Variants in DLGAP1 observed in about 807,000 individuals in gnomAD.
DLGAP1 encodes disks large-associated protein 1.
In DLGAP1, 11 loss-of-function variants were observed where a neutral mutation model predicts 90.8. The observed-to-expected ratio is 0.12, with a 90% CI of 0.08 to 0.20. DLGAP1 has a LOEUF of 0.20. Ranked by LOEUF, DLGAP1 falls within the 10% of genes least tolerant of loss-of-function variation. The pLI is 1.00. For synonymous variants in DLGAP1, 558 were observed against 540.7 expected (o/e 1.03, Z -0.44); for missense variants, 1,050 against 1,333.8 (o/e 0.79, Z 3.31).
intron 5 of DLGAP1, among the ~76,000 whole-genome samples, chr18:3,765,365 C>A (rs1358067332): frequency 3.3e-5 from 5 of 150,742 alleles, no homozygotes; most frequent in Non-Finnish European, 1.5e-5. Context: ...CTCCTGACCT[C>A]ATGATCTGCC....
At chr18:3,592,485 C>A (rs1204520552) in intron 7 of DLGAP1, among the ~76,000 whole-genome samples, 1 of 152,206 alleles carries the variant, frequency 6.6e-6, no homozygotes, top group Non-Finnish European at 1.5e-5. Flanking sequence ...GCCATTAGAT[C>A]TTCCTAATCA....
chr18:3,536,295 C>A (rs538557167), intron 9 of DLGAP1, among the ~76,000 whole-genome samples: 2 of 149,920 alleles, frequency 1.3e-5, no homozygotes, highest in South Asian at 4.3e-4. Flanking sequence ...ACAACCTCAA[C>A]TCACTGCAAC....
intron 1 of DLGAP1, among the ~76,000 whole-genome samples, chr18:4,362,082 A>G (rs887123516): frequency 4.6e-5 from 7 of 152,212 alleles, no homozygotes; most frequent in Non-Finnish European, 7.3e-5. Flanking sequence ...ACATAAAATA[A>G]CAAGTGTTGG....
intron 3 of DLGAP1, among the ~76,000 whole-genome samples, chr18:3,917,030 G>C (rs9962899): frequency 6.6e-6 from 1 of 152,026 alleles, no homozygotes; most frequent in East Asian, 1.9e-4. Context: ...ATACTCAGCA[G>C]ATTACATGAG....
At chr18:4,256,720 G>A (rs1391881578) in intron 1 of DLGAP1, among the ~76,000 whole-genome samples, 1 of 152,056 alleles carries the variant, frequency 6.6e-6, no homozygotes, top group Admixed American at 6.5e-5. Flanking sequence ...ACTCTCTCCT[G>A]AGAGAACTTT....
chr18:3,884,108 T>C (rs978347879), intron 3 of DLGAP1, among the ~76,000 whole-genome samples: 19 of 152,266 alleles, frequency 1.2e-4, no homozygotes, highest in African/African-American at 4.3e-4. Flanking sequence ...AACCTTGGGA[T>C]TGCTTTGTAT....
intron 1 of DLGAP1, among the ~76,000 whole-genome samples, chr18:4,198,295 T>C (rs772139260): frequency 3.9e-5 from 6 of 152,096 alleles, no homozygotes; most frequent in Non-Finnish European, 8.8e-5. Context: ...TTCTAAGAGA[T>C]GGTCATGGCC....
chr18:3,567,641 A>C (rs1189746409), intron 8 of DLGAP1, 60 bp from the exon 9 acceptor site: 4 of 1,437,346 alleles, frequency 2.8e-6, no homozygotes, highest in East Asian at 4.6e-5. Context: ...TTGAAAAACA[A>C]ACATCACATT....
chr18:3,953,111 G>T (rs1462409526), intron 3 of DLGAP1, among the ~76,000 whole-genome samples: 1 of 152,150 alleles, frequency 6.6e-6, no homozygotes, highest in Non-Finnish European at 1.5e-5. Flanking sequence ...TCAGATTTTT[G>T]AGTAACTTAT....
intron 7 of DLGAP1, among the ~76,000 whole-genome samples, chr18:3,611,228 T>C (rs1396591486): frequency 1.3e-5 from 2 of 152,062 alleles, no homozygotes; most frequent in East Asian, 3.9e-4. Context: ...AAATGTAAAC[T>C]TCCCTACAGC....
Position 3,508,652 on chromosome 18 carries a change from T to C in DLGAP1, c.2489A>G (p.Lys830Arg), listed in dbSNP as rs1272826124. ...ENNLPEDILG[K>R]IRTAVGSAQL... is the part of the protein sequence containing the mutation. ...GGCACTGCCCACTGCGGTTCGGATT[T>C]TTCCTAGAACTGGAAAGAGCAAACA... Residue 830 changes from lysine to arginine, a missense_variant, in exon 11 of 13, where the codon AAA becomes AGA. Physicochemically the swap from Lys to Arg is conservative, Grantham distance 26 (BLOSUM62 2). This residue lies in a region of DLGAP1 where 565 missense variants were observed against 879.7 expected (regional missense o/e 0.64). Transcript: ENST00000315677. The C allele has an allele frequency of 6.2e-7, 1 of 1,613,850 alleles. No individual in the cohort carries two copies. Among genetic ancestry groups the C allele is most frequent in the South Asian group, 1.1e-5 (1 of 91,036 alleles).
intron 1 of DLGAP1, among the ~76,000 whole-genome samples, chr18:4,246,049 T>C (rs966799143): frequency 6.6e-6 from 1 of 152,248 alleles, no homozygotes; most frequent in Non-Finnish European, 1.5e-5. Context: ...ACCTTCCCTA[T>C]ACGTCTTCAT....
intron 1 of DLGAP1, among the ~76,000 whole-genome samples, chr18:4,188,640 C>T (rs1301828021): frequency 7.2e-5 from 11 of 152,106 alleles, no homozygotes; most frequent in Non-Finnish European, 1.5e-4. Flanking sequence ...GCAAAGGACA[C>T]GAACTCATTC....
intron 1 of DLGAP1, among the ~76,000 whole-genome samples, chr18:4,262,816 A>G (rs1024534831): frequency 7.2e-5 from 11 of 152,344 alleles, no homozygotes; most frequent in African/African-American, 2.4e-4. Flanking sequence ...ATGTAATATT[A>G]CTTATGTCAT....
intron 7 of DLGAP1, among the ~76,000 whole-genome samples, chr18:3,584,664 C>T (rs997444481): frequency 1.3e-5 from 2 of 152,124 alleles, no homozygotes; most frequent in South Asian, 4.1e-4. Context: ...GACATAGAGG[C>T]AGTCACCCCT....
chr18:3,703,488 C>T (rs149866002), intron 7 of DLGAP1, among the ~76,000 whole-genome samples: 58 of 152,302 alleles, frequency 3.8e-4, no homozygotes, highest in African/African-American at 9.4e-4. Context: ...GCTTCAAGCA[C>T]GAAAGTGCAG....
chr18:3,507,385 C>G (rs1209476163), intron 11 of DLGAP1, among the ~76,000 whole-genome samples: 1 of 142,928 alleles, frequency 7.0e-6, no homozygotes, highest in Non-Finnish European at 1.6e-5. Flanking sequence ...GGCATGGTGG[C>G]ATGCACCTGT....
chr18:4,247,834 CAGTCAAGAGGATTAAATGTCTT>C (rs2145173810), intron 1 of DLGAP1, among the ~76,000 whole-genome samples: 2 of 152,226 alleles, frequency 1.3e-5, no homozygotes, highest in East Asian at 3.9e-4. Flanking sequence ...AACGATATTG[CAGTCAAGAGGATTAAATGTCTT>C]TTGGAAGGTC....
chr18:3,783,271 G>A (rs980788500), intron 5 of DLGAP1, among the ~76,000 whole-genome samples: 1 of 152,206 alleles, frequency 6.6e-6, no homozygotes, highest in Non-Finnish European at 1.5e-5. Flanking sequence ...AATGAAGTTA[G>A]TATATGAACC....
Sources: allele counts gnomAD v4.1 joint callset (sites outside exome capture counted in the v4.1 genomes callset), GRCh38; gene constraint gnomAD v4.1.1; regional missense constraint gnomAD v4.1.1; transcripts MANE v1.5; gene names NCBI Gene and HGNC (gene_info 2026-07-23, HGNC 2026-07-21).